Variants in RNF216 observed in about 807,000 individuals in gnomAD.
The protein encoded by RNF216 is E3 ubiquitin-protein ligase RNF216.
In RNF216, 72 loss-of-function variants were observed where a neutral mutation model predicts 110.8. The observed-to-expected ratio is 0.65, with a 90% CI of 0.54 to 0.79. The LOEUF (loss-of-function observed/expected upper bound fraction) is 0.79, where lower values mean the gene tolerates loss of function less well. Among genes scored for constraint, RNF216 ranks in the 30% least tolerant of loss-of-function variants. The pLI, the probability that RNF216 is intolerant of heterozygous loss-of-function variation, is 0.00. For synonymous variants in RNF216, 495 were observed against 407.5 expected (o/e 1.21, Z -2.59); for missense variants, 1,342 against 1,141.2 (o/e 1.18, Z -2.54).
At chr7:5,739,391 T>C (rs763284593) in intron 4 of RNF216, 39 bp from the exon 5 acceptor site, 19 of 1,563,822 alleles carry the variant, frequency 1.2e-5, no homozygotes, top group Non-Finnish European at 1.6e-5. Context: ...TTTCATTCAC[T>C]AGAATGGTTT....
At chr7:5,660,311 G>T in intron 13 of RNF216, among the ~76,000 whole-genome samples, 1 of 44,236 alleles carries the variant, frequency 2.3e-5, no homozygotes, top group Non-Finnish European at 4.7e-5. Flanking sequence ...TTTTTTTTTT[G>T]AGATGGAGTC....
chr7:5,665,344 G>A (rs1789437897), intron 13 of RNF216, among the ~76,000 whole-genome samples: 1 of 152,156 alleles, frequency 6.6e-6, no homozygotes, highest in African/African-American at 2.4e-5. Context: ...TAGTCCTGAG[G>A]AAAGGGCTTC....
chr7:5,732,026 T>C lies in RNF216; in HGVS notation c.1122-1209A>G, dbSNP rs192402282. Among the ~76,000 whole-genome samples, 3 of 152,200 alleles carry C rather than the reference T, an allele frequency of 2.0e-5. No individual in the cohort carries two copies. The East Asian group carries it at 5.8e-4, about 29-fold the overall frequency. The stretch of plus-strand genomic sequence containing the variant: ...TCAGGAGTCCCATATACTCTTCATC[T>C]CTAAGCTCCCCGCTTCCCTACCACC... On this transcript the variant is annotated intron_variant, in intron 5 of 16. Coordinates refer to ENST00000389902, the MANE Select transcript of RNF216 (RefSeq NM_207111.4).
At chr7:5,661,808 A>G (rs149480211) in intron 13 of RNF216, among the ~76,000 whole-genome samples, 2,669 of 152,310 alleles carry the variant, frequency 0.018, 34 homozygotes, top group Non-Finnish European at 0.028. Flanking sequence ...GCTCAAACAA[A>G]AACAAAAACA....
chr7:5,722,976 T>C (rs553876468), intron 8 of RNF216, among the ~76,000 whole-genome samples: 1 of 152,000 alleles, frequency 6.6e-6, no homozygotes, highest in African/African-American at 2.4e-5. Context: ...ACAAAAAAAA[T>C]CAGTTTTTGG....
At chr7:5,736,390 G>A (rs960964769) in intron 5 of RNF216, among the ~76,000 whole-genome samples, 5 of 152,200 alleles carry the variant, frequency 3.3e-5, no homozygotes, top group Non-Finnish European at 7.3e-5. Context: ...CCGAGGTGCC[G>A]GGATTGCAGA....
intron 13 of RNF216, among the ~76,000 whole-genome samples, chr7:5,709,869 C>T (rs1297680466): frequency 6.6e-6 from 1 of 152,182 alleles, no homozygotes; most frequent in Non-Finnish European, 1.5e-5. Flanking sequence ...ATTGTCCTGC[C>T]TCAGTCTCTT....
intron 3 of RNF216, among the ~76,000 whole-genome samples, chr7:5,747,470 T>C (rs1418035663): frequency 6.6e-6 from 1 of 152,200 alleles, no homozygotes; most frequent in East Asian, 1.9e-4. Context: ...GCCTGAAATA[T>C]CAGACGTGAC....
chr7:5,702,631 T>C (rs1197524235), intron 13 of RNF216, among the ~76,000 whole-genome samples: 1 of 152,220 alleles, frequency 6.6e-6, no homozygotes, highest in Non-Finnish European at 1.5e-5. Context: ...TGTGCTTCAA[T>C]AGCAGGTAAG....
At chr7:5,627,522 C>A (rs918740937) in intron 15 of RNF216, among the ~76,000 whole-genome samples, 5 of 151,948 alleles carry the variant, frequency 3.3e-5, no homozygotes, top group African/African-American at 1.2e-4. Flanking sequence ...CTGAGGCAGG[C>A]GGACCACGAG....
At chr7:5,682,209 CACTG>C (rs1356892432) in intron 13 of RNF216, among the ~76,000 whole-genome samples, 1 of 152,198 alleles carries the variant, frequency 6.6e-6, no homozygotes, top group Non-Finnish European at 1.5e-5. Flanking sequence ...TGCCAGCCCA[CACTG>C]ACTTTTTCTC....
intron 13 of RNF216, among the ~76,000 whole-genome samples, chr7:5,710,482 A>G (rs1792607246): frequency 6.6e-6 from 1 of 152,124 alleles, no homozygotes; most frequent in African/African-American, 2.4e-5. Context: ...AAACCTTACC[A>G]GGAAATGTAG....
chr7:5,760,256 C>A, intron 2 of RNF216: 1 of 158,908 alleles, frequency 6.3e-6, no homozygotes, highest in South Asian at 1.7e-4. Flanking sequence ...GTGGCTCACG[C>A]CTGTAATCCC....
intron 1 of RNF216, among the ~76,000 whole-genome samples, chr7:5,762,983 C>T (rs1050144612): frequency 1.3e-5 from 2 of 152,146 alleles, no homozygotes; most frequent in Non-Finnish European, 2.9e-5. Context: ...CAAGACATTA[C>T]ATCTCCATGG....
chr7:5,679,139 C>A (rs974300389), intron 13 of RNF216, among the ~76,000 whole-genome samples: 1 of 151,934 alleles, frequency 6.6e-6, no homozygotes, highest in Non-Finnish European at 1.5e-5. Flanking sequence ...GTTATCAAGT[C>A]ATTTAATCCT....
At chr7:5,725,298 A>C (rs1244794509) in intron 8 of RNF216, 26 bp downstream of exon 8, 6 of 1,304,806 alleles carry the variant, frequency 4.6e-6, no homozygotes, top group Admixed American at 1.7e-5. Flanking sequence ...GCAGCTACAC[A>C]CTGCCACCAA....
At chr7:5,654,860 C>T (rs1337674275) in intron 13 of RNF216, among the ~76,000 whole-genome samples, 1 of 151,618 alleles carries the variant, frequency 6.6e-6, no homozygotes, top group Non-Finnish European at 1.5e-5. Flanking sequence ...ATTAGGGTGC[C>T]TAACTATTAC....
intron 13 of RNF216, among the ~76,000 whole-genome samples, chr7:5,672,996 T>C (rs1790019553): frequency 6.6e-6 from 1 of 152,120 alleles, no homozygotes; most frequent in Admixed American, 6.5e-5. Flanking sequence ...GGTTTATAGA[T>C]GTATTGTGTC....
intron 13 of RNF216, among the ~76,000 whole-genome samples, chr7:5,710,223 G>C (rs542235225): frequency 6.6e-6 from 1 of 152,294 alleles, no homozygotes; most frequent in East Asian, 1.9e-4. Context: ...AGTCAGGCGT[G>C]GTGGCGCATA....
Sources: gnomAD v4.1 joint callset for allele counts (sites outside exome capture counted in the v4.1 genomes callset) on GRCh38, gnomAD v4.1.1 for gene constraint, MANE v1.5 for transcripts, NCBI Gene and HGNC (gene_info 2026-07-23, HGNC 2026-07-21) for gene names.